The following NRXN3 variants were observed in gnomAD, a reference collection of about 807,000 sequenced individuals.
The protein encoded by NRXN3 is neurexin III.
NRXN3 carries 32 observed loss-of-function variants against 137.6 expected under a neutral mutation model. That is an observed-to-expected ratio of 0.23 (90% CI 0.18 to 0.31). The LOEUF (loss-of-function observed/expected upper bound fraction) is 0.31. Ranked by LOEUF, NRXN3 falls within the 10% of genes least tolerant of loss-of-function variation. The pLI, the probability that NRXN3 is intolerant of heterozygous loss-of-function variation, is 1.00. For synonymous variants in NRXN3, 798 were observed against 784.5 expected, an observed-to-expected ratio of 1.02 and a Z score of -0.29; for missense variants, 1,574 against 2,062.5, an observed-to-expected ratio of 0.76 and a Z score of 4.59.
At chr14:79,109,403 T>C (rs1039470585) in intron 15 of NRXN3, among the ~76,000 whole-genome samples, 3 of 152,204 alleles carry the variant, frequency 2.0e-5, no homozygotes, top group Non-Finnish European at 1.5e-5. Flanking sequence ...CAGAATAATT[T>C]TCTCCAAAAG....
intron 4 of NRXN3, among the ~76,000 whole-genome samples, chr14:78,595,964 T>G (rs1040175860): frequency 3.3e-5 from 5 of 152,156 alleles, no homozygotes; most frequent in African/African-American, 1.2e-4. Context: ...CGTTTTTCCT[T>G]GTCACACTGG....
chr14:78,316,242 C>G (rs1023172222), intron 4 of NRXN3, among the ~76,000 whole-genome samples: 8 of 152,148 alleles, frequency 5.3e-5, no homozygotes, highest in African/African-American at 1.7e-4. Context: ...AGGCTCCCCA[C>G]CCCCACTTTA....
intron 4 of NRXN3, among the ~76,000 whole-genome samples, chr14:78,615,841 G>A (rs2097342619): frequency 6.6e-6 from 1 of 152,154 alleles, no homozygotes; most frequent in African/African-American, 2.4e-5. Flanking sequence ...TAACTACTCA[G>A]GAGACTGAGG....
chr14:79,773,167 T>G (rs1211887699), intron 19 of NRXN3, among the ~76,000 whole-genome samples: 1 of 152,194 alleles, frequency 6.6e-6, no homozygotes, highest in East Asian at 1.9e-4. Context: ...GGAACACTTT[T>G]ACACTGTTGG....
intron 11 of NRXN3, among the ~76,000 whole-genome samples, chr14:78,965,381 C>T (rs1316744312): frequency 6.6e-6 from 1 of 152,122 alleles, no homozygotes; most frequent in African/African-American, 2.4e-5. Flanking sequence ...CTTTTTAAGT[C>T]TGTAGTCCAA....
intron 16 of NRXN3, among the ~76,000 whole-genome samples, chr14:79,546,970 G>A (rs1315535810): frequency 6.6e-6 from 1 of 152,132 alleles, no homozygotes; most frequent in African/African-American, 2.4e-5. Flanking sequence ...ACCAGGAAAA[G>A]CTCTGATTAT....
chr14:79,775,681 C>A (rs1396367171), intron 19 of NRXN3, among the ~76,000 whole-genome samples: 2 of 151,770 alleles, frequency 1.3e-5, no homozygotes, highest in East Asian at 3.9e-4. Flanking sequence ...AAGTGGGGAG[C>A]AGAGAGACAG....
intron 15 of NRXN3, among the ~76,000 whole-genome samples, chr14:79,002,247 A>G (rs2099542903): frequency 6.6e-6 from 1 of 152,198 alleles, no homozygotes; most frequent in East Asian, 1.9e-4. Context: ...GTACATGTGC[A>G]GGATGTACAG....
At chr14:78,536,782 G>A (rs541542737) in intron 4 of NRXN3, among the ~76,000 whole-genome samples, 1 of 125,996 alleles carries the variant, frequency 7.9e-6, no homozygotes, top group South Asian at 3.0e-4. Context: ...ACAGGCCCCA[G>A]TGTGTGATGT....
At chr14:79,480,580 A>G (rs2096598390) in intron 16 of NRXN3, among the ~76,000 whole-genome samples, 1 of 152,172 alleles carries the variant, frequency 6.6e-6, no homozygotes, top group African/African-American at 2.4e-5. Context: ...TAGAATTTCC[A>G]AATTAAAATT....
intron 15 of NRXN3, among the ~76,000 whole-genome samples, chr14:79,173,041 G>A (rs763450923): frequency 1.3e-5 from 2 of 152,096 alleles, no homozygotes; most frequent in East Asian, 1.9e-4. Context: ...AATAATGTTG[G>A]TGCCTATCTC....
chr14:79,453,851 T>C (rs184370257), intron 15 of NRXN3, among the ~76,000 whole-genome samples: 18 of 152,318 alleles, frequency 1.2e-4, no homozygotes, highest in African/African-American at 3.8e-4. Flanking sequence ...ATGTCTTTCA[T>C]ATCTGCTTCC....
At chr14:78,673,760 C>T (rs1221711866) in intron 6 of NRXN3, among the ~76,000 whole-genome samples, 1 of 152,140 alleles carries the variant, frequency 6.6e-6, no homozygotes, top group Non-Finnish European at 1.5e-5. Flanking sequence ...GGCTCCTACT[C>T]ATGATCTAAT....
At chr14:79,122,395 C>A (rs2055603660) in intron 15 of NRXN3, among the ~76,000 whole-genome samples, 1 of 152,128 alleles carries the variant, frequency 6.6e-6, no homozygotes, top group Non-Finnish European at 1.5e-5. Context: ...GTGCTATTAA[C>A]AATGTACACA....
chr14:78,938,817 A>G (rs192693978), intron 10 of NRXN3, among the ~76,000 whole-genome samples: 1 of 148,320 alleles, frequency 6.7e-6, no homozygotes, highest in East Asian at 2.0e-4. Flanking sequence ...AGCCATGTAG[A>G]CTTTATATTT....
chr14:78,515,239 G>A (rs542263738), intron 4 of NRXN3, among the ~76,000 whole-genome samples: 10 of 152,172 alleles, frequency 6.6e-5, no homozygotes, highest in Non-Finnish European at 1.5e-4. Context: ...GCTAGGGATA[G>A]AGGGATGCTC....
chr14:79,632,773 A>C (rs781349132), intron 16 of NRXN3, among the ~76,000 whole-genome samples: 17 of 152,116 alleles, frequency 1.1e-4, no homozygotes, highest in Non-Finnish European at 2.2e-4. Flanking sequence ...TGATAAAACC[A>C]AGATTTTAAA....
chr14:79,053,821 T>A (rs1010684566), intron 15 of NRXN3, among the ~76,000 whole-genome samples: 2 of 152,176 alleles, frequency 1.3e-5, no homozygotes, highest in South Asian at 2.1e-4. Flanking sequence ...GAGAGAAATA[T>A]GAAGTTGGAA....
intron 15 of NRXN3, among the ~76,000 whole-genome samples, chr14:79,234,328 A>AT (rs1259459683): frequency 9.1e-5 from 10 of 110,478 alleles, no homozygotes; most frequent in African/African-American, 3.3e-4. Flanking sequence ...ATATATATAT[A>AT]TATATATATA....
Sources: gnomAD v4.1 joint callset for allele counts (sites outside exome capture counted in the v4.1 genomes callset) on GRCh38, gnomAD v4.1.1 for gene constraint, MANE v1.5 for transcripts, NCBI Gene and HGNC (gene_info 2026-07-23, HGNC 2026-07-21) for gene names.